OLFM3: variants seen among roughly 807,000 people sequenced by gnomAD.
OLFM3 encodes the protein noelin-3.
A neutral mutation model predicts 48.6 loss-of-function variants in OLFM3; 20 were observed. The ratio of observed to expected loss-of-function variants is 0.41; its 90% CI spans 0.29 to 0.60. The LOEUF is 0.60. Among genes scored for constraint, OLFM3 ranks in the 20% least tolerant of loss-of-function variants. OLFM3 has a pLI of 0.28. For synonymous variants in OLFM3, 222 were observed against 198.1 expected (o/e 1.12, Z -1.01); for missense variants, 437 against 544.3 (o/e 0.80, Z 1.96).
At chr1:101,836,115 T>C (rs1443279159) in intron 2 of OLFM3, among the ~76,000 whole-genome samples, 1 of 152,206 alleles carries the variant, frequency 6.6e-6, no homozygotes, top group African/African-American at 2.4e-5. Context: ...TAATTTATCT[T>C]ATTATTCCTA....
At chr1:101,903,670 CTA>C (rs145396086) in intron 1 of OLFM3, among the ~76,000 whole-genome samples, 5,520 of 152,144 alleles carry the variant, frequency 0.036, 132 homozygotes, top group African/African-American at 0.057. Context: ...CTGCTAAAAT[CTA>C]TGTTTCCTGC....
At chr1:101,943,759 CTA>C (rs1384173109) in intron 1 of OLFM3, among the ~76,000 whole-genome samples, 1 of 152,128 alleles carries the variant, frequency 6.6e-6, no homozygotes, top group Non-Finnish European at 1.5e-5. Flanking sequence ...CACCTATTAT[CTA>C]TCCACATCTC....
intron 1 of OLFM3, among the ~76,000 whole-genome samples, chr1:101,967,486 G>C (rs1179184928): frequency 6.7e-6 from 1 of 149,988 alleles, no homozygotes; most frequent in African/African-American, 2.5e-5. Flanking sequence ...CAATTATTCA[G>C]GGCTGGTCAC....
At chr1:101,953,841 T>C (rs1220390853) in intron 1 of OLFM3, among the ~76,000 whole-genome samples, 1 of 152,098 alleles carries the variant, frequency 6.6e-6, no homozygotes, top group Non-Finnish European at 1.5e-5. Flanking sequence ...TATTAGTCCC[T>C]GGGTAAAAAA....
chr1:101,975,907 C>G, intron 1 of OLFM3, among the ~76,000 whole-genome samples: 1 of 151,434 alleles, frequency 6.6e-6, no homozygotes, highest in South Asian at 2.1e-4. Context: ...AGAAAGAGCA[C>G]GAAAGAAAAG....
intron 1 of OLFM3, among the ~76,000 whole-genome samples, chr1:101,957,948 A>T (rs1660346946): frequency 6.6e-6 from 1 of 152,090 alleles, no homozygotes; most frequent in Admixed American, 6.6e-5. Context: ...AATCAGAGCA[A>T]AATGTGAGTG....
chr1:101,894,894 G>C (rs1292554615), intron 1 of OLFM3, among the ~76,000 whole-genome samples: 1 of 152,062 alleles, frequency 6.6e-6, no homozygotes, highest in African/African-American at 2.4e-5. Flanking sequence ...CCTACATGGA[G>C]CTTAAACATG....
At chr1:101,870,735 T>G (rs1208476648) in intron 1 of OLFM3, among the ~76,000 whole-genome samples, 2 of 152,054 alleles carry the variant, frequency 1.3e-5, no homozygotes, top group Non-Finnish European at 2.9e-5. Context: ...AGTGGCTTCC[T>G]GTGGGGGTGT....
At chr1:101,884,166 C>T (rs1657650636) in intron 1 of OLFM3, among the ~76,000 whole-genome samples, 1 of 151,926 alleles carries the variant, frequency 6.6e-6, no homozygotes, top group Non-Finnish European at 1.5e-5. Flanking sequence ...CTCTATTTTC[C>T]TGCTCCCCTT....
intron 1 of OLFM3, among the ~76,000 whole-genome samples, chr1:101,961,804 A>T (rs1660475429): frequency 6.6e-6 from 1 of 152,158 alleles, no homozygotes; most frequent in Admixed American, 6.5e-5. Flanking sequence ...CACAAGAGGT[A>T]AGTTACACAG....
chr1:101,811,065 T>C, intron 4 of OLFM3, among the ~76,000 whole-genome samples: 1 of 152,066 alleles, frequency 6.6e-6, no homozygotes, highest in Admixed American at 6.6e-5. Context: ...TGATTTTTAT[T>C]ATTATTTGAA....
In OLFM3 at chr1:101,804,030, A is replaced by G; in HGVS notation, c.*208T>C. 2.3e-6 allele frequency: 1 copy of G among 426,296 alleles called. No individual in the cohort carries two copies. 26.4% of individuals were successfully genotyped at this position (426,296 alleles called of 1,614,324 possible). A position where few individuals can be genotyped will look rare whatever the true frequency, so the allele number is the denominator to read the frequency against. The stretch of plus-strand genomic sequence containing the variant: ...GTGCTTTTCATGACAAGGACATGAT[A>G]GGCCTTGTAAATTTAGAAGTTAAGA... On this transcript the variant is annotated 3_prime_UTR_variant, in exon 6 of 6. Transcript: ENST00000370103. This position sits in a 1 kb window ranked among gnomAD's most constrained non-coding sequence, Gnocchi z 4.5.
At chr1:101,809,501 C>T (rs724479) in intron 4 of OLFM3, among the ~76,000 whole-genome samples, 23,382 of 151,616 alleles carry the variant, frequency 0.15, 1,963 homozygotes, top group East Asian at 0.27. Context: ...AAAAATTTAC[C>T]TACAATGAAC....
At chr1:101,923,220 A>C (rs1434729372) in intron 1 of OLFM3, among the ~76,000 whole-genome samples, 2 of 152,210 alleles carry the variant, frequency 1.3e-5, no homozygotes, top group Admixed American at 1.3e-4. Flanking sequence ...TGTAAATTTT[A>C]AAATTTACAC....
chr1:101,877,208 T>A (rs1217958116), intron 1 of OLFM3, among the ~76,000 whole-genome samples: 1 of 152,002 alleles, frequency 6.6e-6, no homozygotes, highest in African/African-American at 2.4e-5. Context: ...AAGTCTGGAT[T>A]CGCAAGTTGA....
chr1:101,907,192 G>C (rs982736539), intron 1 of OLFM3, among the ~76,000 whole-genome samples: 2 of 152,068 alleles, frequency 1.3e-5, no homozygotes, highest in Non-Finnish European at 2.9e-5. Flanking sequence ...AACTTAATGA[G>C]ATATTTGGAT....
intron 1 of OLFM3, among the ~76,000 whole-genome samples, chr1:101,950,550 T>G (rs1660112749): frequency 6.6e-6 from 1 of 151,706 alleles, no homozygotes; most frequent in South Asian, 2.1e-4. Flanking sequence ...GCCATTCTCC[T>G]GCCTCAGCCT....
chr1:101,910,390 C>T (rs867022850), intron 1 of OLFM3, among the ~76,000 whole-genome samples: 2 of 151,296 alleles, frequency 1.3e-5, no homozygotes, highest in South Asian at 2.1e-4. Context: ...GGCGTGAACC[C>T]GGGAGGCGGA....
intron 1 of OLFM3, among the ~76,000 whole-genome samples, chr1:101,889,678 C>A (rs1970267): frequency 0.046 from 6,991 of 151,702 alleles, 389 homozygotes; most frequent in Admixed American, 0.16. Context: ...TAAAAAAGTG[C>A]ATGTAATAAA....
Sources: allele counts gnomAD v4.1 joint callset (sites outside exome capture counted in the v4.1 genomes callset), GRCh38; gene constraint gnomAD v4.1.1; non-coding constraint Gnocchi (gnomAD v3.1); transcripts MANE v1.5; gene names NCBI Gene and HGNC (gene_info 2026-07-23, HGNC 2026-07-21).